ZNF66: variants seen among roughly 807,000 people sequenced by gnomAD.
ZNF66 encodes the protein zinc finger protein 66, also known as putative zinc finger protein 66.
Under a neutral mutation model 35.2 loss-of-function variants are expected in ZNF66, and 32 were observed. That is an observed-to-expected ratio of 0.91 (90% CI 0.69 to 1.22). ZNF66 has a LOEUF of 1.22. Ranked by LOEUF, ZNF66 falls within the 50% of genes most tolerant of loss-of-function variation. The pLI is 0.00. For synonymous variants in ZNF66, 231 were observed against 181.3 expected (o/e 1.27, Z -2.20); for missense variants, 666 against 543.1 (o/e 1.23, Z -2.25).
rs1971570871 is a variant in ZNF66, at chr19:20,809,797, A to T, written c.*2475A>T. On this transcript the variant is annotated 3_prime_UTR_variant, in exon 4 of 4. Transcript: ENST00000344519. The stretch of plus-strand genomic sequence containing the variant: ...CTAACGAGCAAAATAACCAGCTAAC[A>T]TCATAATGACAGCATCAAATTCTCA... Among the ~76,000 whole-genome samples the T allele has an allele frequency of 1.3e-5, 2 of 152,106 alleles. No homozygotes were observed. Among genetic ancestry groups the T allele is most frequent in the Non-Finnish European group, 2.9e-5 (2 of 68,034 alleles).
chr19:20,794,870 C>CTTT lies in ZNF66; in HGVS notation c.226+1008_226+1010dup, dbSNP rs59063566. ...AAATTGTGTGATTTACAACCAGCAA[C>CTTT]TTTTTTTTTTTTTTTTTTGAGAGGG... On this transcript the variant is annotated intron_variant, in intron 3 of 3. Coordinates refer to ENST00000344519, the MANE Select transcript of ZNF66 (RefSeq NM_001355197.2). Among the ~76,000 whole-genome samples the CTTT allele has an allele frequency of 2.8e-3, 368 of 130,914 alleles. 5 individuals carry two copies. The highest frequency in any genetic ancestry group is 7.2e-3 in the African/African-American group (255 of 35,454). The allele number at this position is 130,914 out of a possible 152,430, so 85.9% of individuals were successfully genotyped here. A position where few individuals can be genotyped will look rare whatever the true frequency, so the allele number is the denominator to read the frequency against.
In ZNF66 at chr19:20,806,605, T is replaced by C. The variant is rs185977866; in HGVS notation, c.1005T>C (p.His335=). 1.3e-6 allele frequency: 2 copies of C among 1,592,736 alleles called. No individual in the cohort carries two copies. Among genetic ancestry groups the C allele is most frequent in the East Asian group, 2.2e-5 (1 of 44,744 alleles). Residue 335 remains histidine, a synonymous_variant, in exon 4 of 4, where the codon CAT becomes CAC. Transcript: ENST00000344519. ...ACCTTACTACACATAAGAGAATTCATACTGGAGAGAAACCCTACAAATGTG... is the reference window on the plus strand; with the variant it reads ...ACCTTACTACACATAAGAGAATTCACACTGGAGAGAAACCCTACAAATGTG... ...SSHLTTHKRI[H]TGEKPYKCEE...
Position 20,809,056 on chromosome 19 carries a change from A to G in ZNF66, c.*1734A>G, listed in dbSNP as rs1599559061. ...AAGAATGCAGAAGCCTCAGGAGCCAATGCGATCAACTGGAAGAAAGGGTAT... is the reference window on the plus strand; with the variant it reads ...AAGAATGCAGAAGCCTCAGGAGCCAGTGCGATCAACTGGAAGAAAGGGTAT... On this transcript the variant is annotated 3_prime_UTR_variant, in exon 4 of 4. Transcript: ENST00000344519. Among the ~76,000 whole-genome samples the G allele has an allele frequency of 1.3e-5, 2 of 152,346 alleles. No individual in the cohort carries two copies. Among genetic ancestry groups the G allele is most frequent in the East Asian group, 1.9e-4 (1 of 5,196 alleles).
Position 20,808,775 on chromosome 19 carries a change from A to C in ZNF66, c.*1453A>C, listed in dbSNP as rs145694048. Among the ~76,000 whole-genome samples, 8 of 150,988 alleles carry C rather than the reference A, an allele frequency of 5.3e-5. No individual in the cohort carries two copies. The East Asian group carries it at 1.4e-3, about 26-fold the overall frequency. On this transcript the variant is annotated 3_prime_UTR_variant, in exon 4 of 4. Coordinates refer to ENST00000344519, the MANE Select transcript of ZNF66 (RefSeq NM_001355197.2). ...ACAGAGCAGAAAAACTGGAAAGTCT[A>C]AAAAGCAGAGCACCTCTCCTCCTCC...
chr19:20,784,269 T>A (rs552591867), intron 1 of ZNF66, among the ~76,000 whole-genome samples: 1 of 152,352 alleles, frequency 6.6e-6, no homozygotes, highest in Admixed American at 6.5e-5. Flanking sequence ...GAAGTATAGT[T>A]ACAGTTTTTA....
chr19:20,799,609 ATAT>A (rs1971429355), intron 3 of ZNF66, among the ~76,000 whole-genome samples: 1 of 152,134 alleles, frequency 6.6e-6, no homozygotes, highest in African/African-American at 2.4e-5. Flanking sequence ...TATTTAAAAT[ATAT>A]TATTGTATCA....
At chr19:20,800,560 A>C (rs1259668849) in intron 3 of ZNF66, among the ~76,000 whole-genome samples, 4 of 152,184 alleles carry the variant, frequency 2.6e-5, no homozygotes, top group Non-Finnish European at 4.4e-5. Context: ...GGCTTGGTAC[A>C]TACTCTTGGC....
At chr19:20,793,484 C>T (rs2081888) in intron 2 of ZNF66, among the ~76,000 whole-genome samples, 9 of 151,468 alleles carry the variant, frequency 5.9e-5, no homozygotes, top group African/African-American at 2.2e-4. Context: ...CACTATGCTC[C>T]GCTAATTTTT....
chr19:20,779,899 G>A (rs1971230249), intron 1 of ZNF66, among the ~76,000 whole-genome samples: 1 of 148,912 alleles, frequency 6.7e-6, no homozygotes, highest in African/African-American at 2.5e-5. Flanking sequence ...GTGCACTCCA[G>A]CCTGGGCAAC....
intron 1 of ZNF66, among the ~76,000 whole-genome samples, chr19:20,780,715 A>T (rs1307426851): frequency 6.7e-6 from 1 of 150,260 alleles, no homozygotes; most frequent in Non-Finnish European, 1.5e-5. Context: ...CCTGGCCTGG[A>T]ATAAAACTAG....
At chr19:20,784,707 T>C (rs1971272266) in intron 1 of ZNF66, 1 of 152,212 alleles carries the variant, frequency 6.6e-6, no homozygotes, top group Admixed American at 6.5e-5. Context: ...AAAATTATTC[T>C]TTCTGAAAAT....
chr19:20,795,111 A>C lies in ZNF66; in HGVS notation c.226+1233A>C, dbSNP rs1395704203. Among the ~76,000 whole-genome samples, 22 of 151,952 alleles carry C rather than the reference A, an allele frequency of 1.4e-4. 1 individual carries two copies. The South Asian group carries it at 4.6e-3, about 32-fold the overall frequency. On this transcript the variant is annotated intron_variant, in intron 3 of 3. Transcript: ENST00000344519. The stretch of plus-strand genomic sequence containing the variant: ...GCTGGTCTCAAACTCCTGACCTCAG[A>C]TGATCTGCCCGCCTCTGCCTCCCAA...
intron 1 of ZNF66, among the ~76,000 whole-genome samples, chr19:20,777,434 A>T (rs957556257): frequency 1.3e-5 from 2 of 149,478 alleles, no homozygotes; most frequent in African/African-American, 4.9e-5. Flanking sequence ...ATTTGCCAAA[A>T]AATGCACTTG....
chr19:20,806,149 C>G lies in ZNF66; in HGVS notation c.549C>G (p.Asn183Lys), dbSNP rs1971503732. ...CKFTECGKAF[N>K]RSSTFTTHKK... Reference sequence around the variant, plus strand: ...TTACAGAATGTGGCAAAGCTTTTAACCGGTCCTCAACCTTTACTACACATA... The same window carrying G: ...TTACAGAATGTGGCAAAGCTTTTAAGCGGTCCTCAACCTTTACTACACATA... Residue 183 changes from asparagine to lysine, a missense_variant, in exon 4 of 4, where the codon AAC becomes AAG. Asn to Lys is a moderately conservative substitution (Grantham distance 94). Transcript: ENST00000344519. 1.7e-6 allele frequency: 2 copies of G among 1,163,578 alleles called. No homozygotes were observed. The highest frequency in any genetic ancestry group is 2.6e-6 in the Non-Finnish European group (2 of 772,866). The allele number at this position is 1,163,578 out of a possible 1,614,324, so 72.1% of individuals were successfully genotyped here.
At position 20,808,311 on chromosome 19, in the gene ZNF66, A is replaced by G. The variant is rs930571422; in HGVS notation, c.*989A>G. On this transcript the variant is annotated 3_prime_UTR_variant, in exon 4 of 4. Transcript: ENST00000344519. ...ACAAAAAGACAGCAGTAACCTCTGC[A>G]GACTTAAACGTCCCTGTCTGACAGC... Among the ~76,000 whole-genome samples the G allele has an allele frequency of 1.3e-5, 2 of 152,234 alleles. No individual in the cohort carries two copies. The highest frequency in any genetic ancestry group is 2.4e-5 in the African/African-American group (1 of 41,474).
At chr19:20,793,311 TCTTTTCTTTTCTTTTC>T (rs1971356673) in intron 2 of ZNF66, among the ~76,000 whole-genome samples, 1 of 60,512 alleles carries the variant, frequency 1.7e-5, no homozygotes, top group Non-Finnish European at 4.1e-5. Context: ...TCTTTTCTTT[TCTTTTCTTTTCTTTTC>T]TTTTCTTTTT....
At chr19:20,792,478 A>G (rs749022334) in intron 1 of ZNF66, 34 bp from the exon 2 acceptor site, 4 of 1,471,974 alleles carry the variant, frequency 2.7e-6, no homozygotes, top group Admixed American at 2.0e-5. Context: ...GCCCATAACC[A>G]CTTGGTGAAA....
intron 1 of ZNF66, among the ~76,000 whole-genome samples, chr19:20,791,310 C>A (rs575038554): frequency 6.6e-6 from 1 of 152,060 alleles, no homozygotes; most frequent in Admixed American, 6.6e-5. Context: ...CATGGTGGAA[C>A]CCCGTCCCTA....
chr19:20,805,574 T>C lies in ZNF66; in HGVS notation c.227-253T>C, dbSNP rs903213861. On this transcript the variant is annotated intron_variant, in intron 3 of 3. Transcript: ENST00000344519. ...GTATAAGTAACAGACTTTTTTTTTT[T>C]CTTCTATGTGGCTCTTTGCATTGTA... Among the ~76,000 whole-genome samples the C allele has an allele frequency of 5.3e-5, 8 of 151,704 alleles. No individual in the cohort carries two copies. In the East Asian group the frequency reaches 9.7e-4, roughly 18 times the overall value.
Sources: allele counts gnomAD v4.1 joint callset (sites outside exome capture counted in the v4.1 genomes callset), GRCh38; gene constraint gnomAD v4.1.1; transcripts MANE v1.5; gene names NCBI Gene and HGNC (gene_info 2026-07-23, HGNC 2026-07-21).